The following GPR63 variants were observed in gnomAD, a reference collection of about 807,000 sequenced individuals.
The protein encoded by GPR63 is probable G protein-coupled receptor 63.
GPR63 carries 12 observed loss-of-function variants against 23.1 expected under a neutral mutation model. The ratio of observed to expected loss-of-function variants is 0.52; its 90% CI spans 0.33 to 0.84. The LOEUF is 0.84. Ranked by LOEUF, GPR63 falls within the 40% of genes least tolerant of loss-of-function variation. The pLI is 0.02. For missense variants in GPR63, 472 were observed against 515.6 expected (o/e 0.92, Z 0.82); for synonymous variants, 172 against 191.1 (o/e 0.90, Z 0.82).
At chr6:96,807,686 T>G (rs1395987412) in intron 1 of GPR63, among the ~76,000 whole-genome samples, 1 of 152,198 alleles carries the variant, frequency 6.6e-6, no homozygotes, top group African/African-American at 2.4e-5. Context: ...TAAAATTTTG[T>G]TTTTTAAGTA....
At chr6:96,810,204 A>C (rs1271629508) in intron 1 of GPR63, among the ~76,000 whole-genome samples, 1 of 152,204 alleles carries the variant, frequency 6.6e-6, no homozygotes, top group South Asian at 2.1e-4. Flanking sequence ...ATAAGATAAC[A>C]GTTAAATAAA....
rs2127935910 is a variant in GPR63, at chr6:96,794,569, A to T, written c.*3903T>A. 1 of 152,360 alleles carries T rather than the reference A, an allele frequency of 6.6e-6. No individual in the cohort carries two copies. Among genetic ancestry groups the T allele is most frequent in the Non-Finnish European group, 1.5e-5 (1 of 68,036 alleles). The allele number at this position is 152,360 out of a possible 1,614,324, so 9.4% of individuals were successfully genotyped here. Reference sequence around the variant, plus strand: ...TTTCACATAAACAAAAACAAAGATCAAGAAAAAAATTAAATATCTTTGTGG... The same window carrying T: ...TTTCACATAAACAAAAACAAAGATCTAGAAAAAAATTAAATATCTTTGTGG... On this transcript the variant is annotated 3_prime_UTR_variant, in exon 2 of 2. Transcript: ENST00000229955.
In GPR63 at chr6:96,799,604, A is replaced by T. The variant is rs1335976935; in HGVS notation, c.128T>A (p.Leu43Ter). The T allele has an allele frequency of 1.2e-6, 2 of 1,614,050 alleles. No homozygotes were observed. The highest frequency in any genetic ancestry group is 1.7e-6 in the Non-Finnish European group (2 of 1,180,024). ...CATGGTTTCAAAACTATATCTAAGC[A>T]ATGGACTGAGGTCAGGATGCTGGAA... ...PPFQHPDLSP[L>*]LRYSFETMAP... The change falls in exon 2 of 2, where the codon TTG (leucine) becomes TAG (stop). Residue 43 changes from leucine to a stop codon, truncating the protein, a stop_gained. Transcript: ENST00000229955. LOFTEE classifies it high-confidence loss of function.
At chr6:96,817,051 G>A (rs1213972991) in intron 1 of GPR63, among the ~76,000 whole-genome samples, 2 of 152,128 alleles carry the variant, frequency 1.3e-5, no homozygotes. Context: ...TATAAGAACA[G>A]AAAGGCAAGC....
chr6:96,810,842 AT>A (rs565157809), intron 1 of GPR63, among the ~76,000 whole-genome samples: 251 of 152,202 alleles, frequency 1.6e-3, no homozygotes, highest in African/African-American at 5.2e-3. Context: ...GTTTTGTATA[AT>A]TTTTTTCCAC....
intron 1 of GPR63, among the ~76,000 whole-genome samples, chr6:96,837,000 G>A (rs956805622): frequency 6.6e-6 from 1 of 151,988 alleles, no homozygotes; most frequent in African/African-American, 2.4e-5. Context: ...GGCAGGGGAG[G>A]GGGGCGGGCG....
At position 96,796,647 on chromosome 6, in the gene GPR63, T is replaced by C. The variant is rs1368425073; in HGVS notation, c.*1825A>G. The C allele has an allele frequency of 6.6e-6, 1 of 152,210 alleles. No homozygotes were observed. Among genetic ancestry groups the C allele is most frequent in the Admixed American group, 6.5e-5 (1 of 15,284 alleles). The allele number at this position is 152,210 out of a possible 1,614,324, so 9.4% of individuals were successfully genotyped here. ...ACGAGGGTTCATTTTCCCTTCTTTGTAGGAGACACACATCTGAGCACGTTC... is the reference window on the plus strand; with the variant it reads ...ACGAGGGTTCATTTTCCCTTCTTTGCAGGAGACACACATCTGAGCACGTTC... On this transcript the variant is annotated 3_prime_UTR_variant, in exon 2 of 2. Coordinates refer to ENST00000229955, the MANE Select transcript of GPR63 (RefSeq NM_030784.4).
intron 1 of GPR63, among the ~76,000 whole-genome samples, chr6:96,802,371 G>A (rs1338759711): frequency 1.3e-5 from 2 of 152,040 alleles, no homozygotes; most frequent in African/African-American, 4.8e-5. Flanking sequence ...AAAATGGTGA[G>A]CAAATAAATG....
chr6:96,795,803 T>C lies in GPR63; in HGVS notation c.*2669A>G, dbSNP rs1159074699. 6.6e-6 allele frequency: 1 copy of C among 152,180 alleles called. No homozygotes were observed. The highest frequency in any genetic ancestry group is 1.5e-5 in the Non-Finnish European group (1 of 68,028). The allele number at this position is 152,180 out of a possible 1,614,324, so 9.4% of individuals were successfully genotyped here. A position where few individuals can be genotyped will look rare whatever the true frequency, so the allele number is the denominator to read the frequency against. On this transcript the variant is annotated 3_prime_UTR_variant, in exon 2 of 2. Coordinates refer to ENST00000229955, the MANE Select transcript of GPR63 (RefSeq NM_030784.4). ...TGACTTTCCTCAGAGAAAAGTCTAATAAAAAATGTCCTTATCAATATCTGC... is the reference window on the plus strand; with the variant it reads ...TGACTTTCCTCAGAGAAAAGTCTAACAAAAAATGTCCTTATCAATATCTGC...
At chr6:96,836,146 G>C (rs1191789770) in intron 1 of GPR63, among the ~76,000 whole-genome samples, 4 of 152,074 alleles carry the variant, frequency 2.6e-5, no homozygotes, top group Non-Finnish European at 5.9e-5. Flanking sequence ...AGAGACCTAG[G>C]GGTGTGAGAA....
At chr6:96,831,231 A>G (rs1455538510) in intron 1 of GPR63, among the ~76,000 whole-genome samples, 1 of 152,206 alleles carries the variant, frequency 6.6e-6, no homozygotes, top group African/African-American at 2.4e-5. Context: ...AAATTGAAAA[A>G]GGGACAGCAT....
At chr6:96,824,107 A>T (rs951050304) in intron 1 of GPR63, among the ~76,000 whole-genome samples, 8 of 152,146 alleles carry the variant, frequency 5.3e-5, no homozygotes, top group Non-Finnish European at 8.8e-5. Context: ...AGACTAGTGT[A>T]TTTTAGTCTT....
intron 1 of GPR63, among the ~76,000 whole-genome samples, chr6:96,811,680 T>A (rs1774047530): frequency 6.6e-6 from 1 of 152,086 alleles, no homozygotes; most frequent in African/African-American, 2.4e-5. Context: ...CTTCCTATAT[T>A]AGGCCCTTGC....
intron 1 of GPR63, among the ~76,000 whole-genome samples, chr6:96,813,973 T>G (rs79834670): frequency 5.9e-5 from 9 of 152,094 alleles, no homozygotes; most frequent in Non-Finnish European, 1.0e-4. Flanking sequence ...AGTGGTATAT[T>G]TGAAATGTAG....
At chr6:96,834,955 A>C (rs1374962387) in intron 1 of GPR63, among the ~76,000 whole-genome samples, 1 of 152,186 alleles carries the variant, frequency 6.6e-6, no homozygotes, top group Non-Finnish European at 1.5e-5. Context: ...CAGATCTATG[A>C]AGAATGTCCT....
intron 1 of GPR63, among the ~76,000 whole-genome samples, chr6:96,812,696 CTTTTT>C (rs1774072263): frequency 6.6e-6 from 1 of 151,854 alleles, no homozygotes; most frequent in Non-Finnish European, 1.5e-5. Context: ...ACTTCTATTT[CTTTTT>C]ATTTTTTTAT....
chr6:96,815,962 T>C (rs1474728224), intron 1 of GPR63, among the ~76,000 whole-genome samples: 1 of 152,094 alleles, frequency 6.6e-6, no homozygotes, highest in Non-Finnish European at 1.5e-5. Flanking sequence ...ACATACCAGA[T>C]ACCAAGACAG....
chr6:96,837,061 G>A (rs1774750020), intron 1 of GPR63, among the ~76,000 whole-genome samples: 1 of 152,262 alleles, frequency 6.6e-6, no homozygotes, highest in South Asian at 2.1e-4. Context: ...GGCGCCGACC[G>A]AAATAACTCC....
chr6:96,835,863 A>G (rs1233887938), intron 1 of GPR63, among the ~76,000 whole-genome samples: 1 of 152,188 alleles, frequency 6.6e-6, no homozygotes. Context: ...TTCCTACACT[A>G]TCCCGTCTGC....
Sources: allele counts gnomAD v4.1 joint callset (sites outside exome capture counted in the v4.1 genomes callset), GRCh38; gene constraint gnomAD v4.1.1; transcripts MANE v1.5; gene names NCBI Gene and HGNC (gene_info 2026-07-23, HGNC 2026-07-21).